Variants in OR51B5 observed in about 807,000 individuals in gnomAD.
The protein encoded by OR51B5 is olfactory receptor family 51 subfamily B member 5.
For synonymous variants in OR51B5, 186 were observed against 144.8 expected, an observed-to-expected ratio of 1.28 and a Z score of -2.04; for missense variants, 456 against 374.6, an observed-to-expected ratio of 1.22 and a Z score of -1.79.
At chr11:5,380,976 CT>C (rs1274117003) in intron 1 of OR51B5, among the ~76,000 whole-genome samples, 1 of 152,100 alleles carries the variant, frequency 6.6e-6, no homozygotes, top group Non-Finnish European at 1.5e-5. Context: ...GTGTACAGAC[CT>C]TGGGGATTCA....
At chr11:5,436,262 G>A (rs1001441958) in intron 1 of OR51B5, among the ~76,000 whole-genome samples, 4 of 152,094 alleles carry the variant, frequency 2.6e-5, no homozygotes, top group African/African-American at 7.2e-5. Flanking sequence ...GACAGTCTGG[G>A]GTTCATGTAA....
intron 1 of OR51B5, chr11:5,440,849 C>G: frequency 6.2e-7 from 1 of 1,613,738 alleles, no homozygotes; most frequent in Non-Finnish European, 8.5e-7. Flanking sequence ...CTCTCAGGAT[C>G]AATGCGTAGG....
At chr11:5,451,277 T>C (rs913388620) in intron 1 of OR51B5, among the ~76,000 whole-genome samples, 1 of 152,274 alleles carries the variant, frequency 6.6e-6, no homozygotes, top group African/African-American at 2.4e-5. Context: ...AGACCCAGAA[T>C]GGCTTTGGCC....
chr11:5,354,471 T>C (rs1247136060), intron 1 of OR51B5, among the ~76,000 whole-genome samples: 4 of 149,566 alleles, frequency 2.7e-5, no homozygotes, highest in Non-Finnish European at 6.0e-5. Flanking sequence ...AGAGACAAGA[T>C]AAAAAGTCCA....
At chr11:5,361,274 A>G (rs1193275490) in intron 1 of OR51B5, among the ~76,000 whole-genome samples, 1 of 152,212 alleles carries the variant, frequency 6.6e-6, no homozygotes, top group Non-Finnish European at 1.5e-5. Context: ...AGATGCAGGA[A>G]GAAACCTTAG....
intron 1 of OR51B5, among the ~76,000 whole-genome samples, chr11:5,424,932 A>G (rs1402687201): frequency 9.7e-6 from 1 of 103,602 alleles, no homozygotes; most frequent in Non-Finnish European, 2.2e-5. Context: ...CAGTGAGCCG[A>G]GATCCCGCCA....
At chr11:5,466,279 A>T (rs1418996437) in intron 1 of OR51B5, among the ~76,000 whole-genome samples, 1 of 152,220 alleles carries the variant, frequency 6.6e-6, no homozygotes, top group Non-Finnish European at 1.5e-5. Context: ...GGCAATACTC[A>T]TTAGACAATA....
rs958813162 is a variant in OR51B5 at position 5,388,579 on chromosome 11, G to T, written n.85-41669C>A. On this transcript the variant is annotated intron_variant and non_coding_transcript_variant, in intron 1 of 4. Coordinates refer to the OR51B5 transcript ENST00000415970. The stretch of plus-strand genomic sequence containing the variant: ...CTAGATAAACTGGAAGAATTGTTTA[G>T]TGTCATTAACACCGTGAATATACAG... Among the ~76,000 whole-genome samples, 7 of 148,732 alleles carry T rather than the reference G, an allele frequency of 4.7e-5. No homozygotes were observed. The Admixed American group carries it at 4.8e-4, about 10-fold the overall frequency.
At chr11:5,472,354 G>T (rs144927434) in intron 1 of OR51B5, among the ~76,000 whole-genome samples, 2 of 152,168 alleles carry the variant, frequency 1.3e-5, no homozygotes, top group African/African-American at 2.4e-5. Context: ...GGGCCTCTGT[G>T]GGGGAAGAGA....
rs541304957 is a variant in OR51B5 at position 5,368,667 on chromosome 11, G to C, written n.85-21757C>G. 1.7e-3 allele frequency among the ~76,000 whole-genome samples: 255 copies of C among 152,264 alleles called. 1 individual carries two copies. Among genetic ancestry groups the C allele is most frequent in the Non-Finnish European group, 2.6e-3 (178 of 68,014 alleles). ...CTCACATGCATCCTGTGAGAAAGCAGAGCATAGTAGAGGTTTCAGTTTTAT... is the reference window on the plus strand; with the variant it reads ...CTCACATGCATCCTGTGAGAAAGCACAGCATAGTAGAGGTTTCAGTTTTAT... On this transcript the variant is annotated intron_variant and non_coding_transcript_variant, in intron 1 of 4. Transcript: ENST00000415970.
chr11:5,396,216 C>T (rs570413129), intron 1 of OR51B5, among the ~76,000 whole-genome samples: 15 of 152,210 alleles, frequency 9.9e-5, no homozygotes, highest in Non-Finnish European at 1.8e-4. Flanking sequence ...GAAGTTCTGG[C>T]CCGGGCAATC....
chr11:5,353,144 T>C (rs1223072017), intron 1 of OR51B5, among the ~76,000 whole-genome samples: 1 of 152,094 alleles, frequency 6.6e-6, no homozygotes, highest in Non-Finnish European at 1.5e-5. Flanking sequence ...GCCATTTCCC[T>C]CAATTACTTT....
chr11:5,463,214 A>C (rs1851086407), intron 1 of OR51B5, among the ~76,000 whole-genome samples: 1 of 152,228 alleles, frequency 6.6e-6, no homozygotes, highest in South Asian at 2.1e-4. Context: ...TACATGTACA[A>C]TTCAGGCGTC....
chr11:5,431,207 G>A (rs1566277), intron 1 of OR51B5: 81,753 of 357,706 alleles, frequency 0.23, 9,685 homozygotes, highest in East Asian at 0.4. Context: ...GCTGTATAGC[G>A]CAGGAGGTTG....
At position 5,416,228 on chromosome 11, in the gene OR51B5, C is replaced by G. The variant is rs1467843899; in HGVS notation, n.85-69318G>C. Among the ~76,000 whole-genome samples the G allele has an allele frequency of 4.4e-3, 542 of 124,274 alleles. 5 individuals carry two copies. The highest frequency in any genetic ancestry group is 0.015 in the African/African-American group (489 of 33,436). 81.5% of individuals were successfully genotyped at this position (124,274 alleles called of 152,430 possible). ...AAGGCCTTTGACAAAATTCAACAAC[C>G]CTTCATGCTAAAAACTCTCAATAAA... On this transcript the variant is annotated intron_variant and non_coding_transcript_variant, in intron 1 of 4. Coordinates refer to the OR51B5 transcript ENST00000415970.
chr11:5,424,552 G>C (rs112158051), intron 1 of OR51B5, among the ~76,000 whole-genome samples: 93 of 152,106 alleles, frequency 6.1e-4, no homozygotes, highest in African/African-American at 2.1e-3. Context: ...TATTCAGAAA[G>C]AATCAGTCAG....
intron 1 of OR51B5, among the ~76,000 whole-genome samples, chr11:5,484,907 C>T (rs1851478461): frequency 6.6e-6 from 1 of 152,076 alleles, no homozygotes; most frequent in Non-Finnish European, 1.5e-5. Flanking sequence ...TTTTATGCTC[C>T]AATACATGTT....
chr11:5,481,038 A>G (rs11037699), intron 1 of OR51B5, among the ~76,000 whole-genome samples: 3,046 of 32,588 alleles, frequency 0.093, 93 homozygotes, highest in Middle Eastern at 0.2. Flanking sequence ...TACCAAAGCC[A>G]GGCAGAGACA....
At chr11:5,485,961 G>A (rs1041143254) in intron 1 of OR51B5, among the ~76,000 whole-genome samples, 2 of 151,990 alleles carry the variant, frequency 1.3e-5, no homozygotes, top group African/African-American at 2.4e-5. Flanking sequence ...GCCCTAATCC[G>A]ATATGGCTGT....
Sources: gnomAD v4.1 joint callset for allele counts (sites outside exome capture counted in the v4.1 genomes callset) on GRCh38, gnomAD v4.1.1 for gene constraint, MANE v1.5 for transcripts, NCBI Gene and HGNC (gene_info 2026-07-23, HGNC 2026-07-21) for gene names.